MELK: variants seen among roughly 807,000 people sequenced by gnomAD.
The protein encoded by MELK is maternal embryonic leucine zipper kinase.
MELK carries 81 observed loss-of-function variants against 85.0 expected under a neutral mutation model. The observed-to-expected ratio is 0.95, with a 90% CI of 0.80 to 1.15. MELK has a LOEUF of 1.15. Ranked by LOEUF, MELK falls within the 50% of genes most tolerant of loss-of-function variation. The pLI is 0.00. For missense variants in MELK, 754 were observed against 777.5 expected (o/e 0.97, Z 0.36); for synonymous variants, 252 against 265.0 (o/e 0.95, Z 0.48).
chr9:36,633,664 CTA>C (rs2136584799), intron 10 of MELK, among the ~76,000 whole-genome samples: 1 of 152,250 alleles, frequency 6.6e-6, no homozygotes, highest in African/African-American at 2.4e-5. Context: ...TATGATAAAA[CTA>C]TTGCATATTA....
intron 10 of MELK, among the ~76,000 whole-genome samples, chr9:36,635,457 T>G (rs2136644937): frequency 6.6e-6 from 1 of 152,162 alleles, no homozygotes; most frequent in Admixed American, 6.5e-5. Flanking sequence ...AGAGATGGGA[T>G]TTCACCATGT....
At chr9:36,604,399 G>A (rs1160859621) in intron 7 of MELK, among the ~76,000 whole-genome samples, 1 of 148,772 alleles carries the variant, frequency 6.7e-6, no homozygotes, top group Admixed American at 6.8e-5. Flanking sequence ...ATTGGGTTCA[G>A]GCGATTCTCA....
At chr9:36,586,344 GAAAAA>G (rs202094773) in intron 3 of MELK, among the ~76,000 whole-genome samples, 1 of 99,538 alleles carries the variant, frequency 1.0e-5, no homozygotes, top group Non-Finnish European at 2.1e-5. Flanking sequence ...CCTGTCTCCA[GAAAAA>G]AAAAAAAAAA....
intron 5 of MELK, among the ~76,000 whole-genome samples, chr9:36,596,060 C>T (rs1304053618): frequency 6.6e-6 from 1 of 152,012 alleles, no homozygotes; most frequent in Non-Finnish European, 1.5e-5. Flanking sequence ...AAGTGATGCG[C>T]CTGCCTTGGC....
chr9:36,594,671 A>T lies in MELK; in HGVS notation c.305A>T (p.Asp102Val). ...CTGTTTGACTATATAATTTCCCAGGATCGCCTGTCAGAAGAGGAGACCCGG... is the reference window on the plus strand; with the variant it reads ...CTGTTTGACTATATAATTTCCCAGGTTCGCCTGTCAGAAGAGGAGACCCGG... The part of the protein sequence containing the change: ...GELFDYIISQ[D>V]RLSEEETRVV... The change falls in exon 5 of 18, where the codon GAT becomes GTT. Residue 102 changes from aspartate to valine, a missense_variant. Asp to Val is a radical substitution (Grantham distance 152). Transcript: ENST00000298048. 6.2e-7 allele frequency: 1 copy of T among 1,614,066 alleles called. No homozygotes were observed. Among genetic ancestry groups the T allele is most frequent in the Non-Finnish European group, 8.5e-7 (1 of 1,179,980 alleles).
intron 8 of MELK, among the ~76,000 whole-genome samples, chr9:36,626,886 G>A (rs1827979493): frequency 6.6e-6 from 1 of 151,220 alleles, no homozygotes. Flanking sequence ...TTGAACCCGG[G>A]AGGCAGAGGC....
intron 13 of MELK, among the ~76,000 whole-genome samples, chr9:36,663,561 A>G (rs1409360446): frequency 6.6e-6 from 1 of 152,114 alleles, no homozygotes; most frequent in African/African-American, 2.4e-5. Context: ...TACATTTTCT[A>G]TCATTCCACT....
In MELK at chr9:36,599,557, C is replaced by T. The variant is rs1824694335; in HGVS notation, c.567+71C>T. 2.7e-6 allele frequency: 3 copies of T among 1,114,156 alleles called. No individual in the cohort carries two copies. In the African/African-American group the frequency reaches 4.7e-5, roughly 17 times the overall value. 69.0% of individuals were successfully genotyped at this position (1,114,156 alleles called of 1,614,324 possible). A position where few individuals can be genotyped will look rare whatever the true frequency, so the allele number is the denominator to read the frequency against. On this transcript the variant is annotated intron_variant, in intron 7 of 17. Transcript: ENST00000298048. Reference sequence around the variant, plus strand: ...TATTGGTCACCTGTAGTGAGTCAGGCACTGTGCGTTGGGGGTATAATGATG... The same window carrying T: ...TATTGGTCACCTGTAGTGAGTCAGGTACTGTGCGTTGGGGGTATAATGATG...
chr9:36,677,466 C>A lies in MELK; in HGVS notation c.*129C>A. 2 of 723,604 alleles carry A rather than the reference C, an allele frequency of 2.8e-6. No homozygotes were observed. Among genetic ancestry groups the A allele is most frequent in the Non-Finnish European group, 4.1e-6 (2 of 486,320 alleles). 44.8% of individuals were successfully genotyped at this position (723,604 alleles called of 1,614,324 possible). A position where few individuals can be genotyped will look rare whatever the true frequency, so the allele number is the denominator to read the frequency against. On this transcript the variant is annotated 3_prime_UTR_variant, in exon 18 of 18. Coordinates refer to ENST00000298048, the MANE Select transcript of MELK (RefSeq NM_014791.4). ...TGTTTCTAAAGAGCTATCTTAAGAC[C>A]AATATCTCTTTGTTTTTAAACAAAA...
intron 1 of MELK, among the ~76,000 whole-genome samples, chr9:36,574,464 A>T (rs552372884): frequency 6.7e-6 from 1 of 150,114 alleles, no homozygotes; most frequent in South Asian, 2.1e-4. Context: ...TTAACCGGGC[A>T]TGGTGGCGCA....
intron 13 of MELK, among the ~76,000 whole-genome samples, chr9:36,660,397 A>C (rs978000124): frequency 3.3e-5 from 5 of 151,742 alleles, no homozygotes; most frequent in Non-Finnish European, 1.5e-5. Context: ...GGCTCACTGC[A>C]GCCTCGACCT....
intron 10 of MELK, among the ~76,000 whole-genome samples, chr9:36,634,192 TTAAC>T (rs1173008422): frequency 6.6e-6 from 1 of 152,216 alleles, no homozygotes; most frequent in Non-Finnish European, 1.5e-5. Context: ...AGAAAAGTCT[TTAAC>T]TATTGGAAAG....
At chr9:36,676,872 A>T (rs887457870) in intron 17 of MELK, among the ~76,000 whole-genome samples, 1 of 152,248 alleles carries the variant, frequency 6.6e-6, no homozygotes, top group Non-Finnish European at 1.5e-5. Flanking sequence ...TTTCTTGAGC[A>T]TGAATGGCAT....
chr9:36,669,089 A>G (rs1401258651), intron 14 of MELK, among the ~76,000 whole-genome samples: 1 of 152,250 alleles, frequency 6.6e-6, no homozygotes, highest in African/African-American at 2.4e-5. Context: ...AGTGAAGAAA[A>G]AAAAGAAGAG....
intron 10 of MELK, among the ~76,000 whole-genome samples, chr9:36,636,142 A>C (rs149939199): frequency 1.3e-5 from 2 of 151,996 alleles, no homozygotes; most frequent in African/African-American, 4.8e-5. Flanking sequence ...GGATATTACT[A>C]TAGGACTTGG....
At chr9:36,622,844 A>C (rs976022519) in intron 8 of MELK, among the ~76,000 whole-genome samples, 2 of 152,184 alleles carry the variant, frequency 1.3e-5, no homozygotes, top group African/African-American at 4.8e-5. Flanking sequence ...AAGCCACTGG[A>C]ATTCCCAGGA....
At chr9:36,639,660 C>T (rs1184856697) in intron 10 of MELK, among the ~76,000 whole-genome samples, 1 of 152,152 alleles carries the variant, frequency 6.6e-6, no homozygotes, top group Non-Finnish European at 1.5e-5. Context: ...CTTTGGAAGA[C>T]ACAGCTTGAG....
chr9:36,598,683 A>G, intron 6 of MELK, among the ~76,000 whole-genome samples: 1 of 152,108 alleles, frequency 6.6e-6, no homozygotes, highest in East Asian at 1.9e-4. Context: ...GCTCTTCTGT[A>G]TTTGTGAAGA....
chr9:36,600,468 C>T (rs565989948), intron 7 of MELK, among the ~76,000 whole-genome samples: 39 of 152,306 alleles, frequency 2.6e-4, no homozygotes, highest in African/African-American at 9.4e-4. Flanking sequence ...ACTACAAGCT[C>T]TGCCTCCTGG....
Sources: allele counts gnomAD v4.1 joint callset (sites outside exome capture counted in the v4.1 genomes callset), GRCh38; gene constraint gnomAD v4.1.1; transcripts MANE v1.5; gene names NCBI Gene and HGNC (gene_info 2026-07-23, HGNC 2026-07-21).